The following RANBP17 variants were observed in gnomAD, a reference collection of about 807,000 sequenced individuals.
RANBP17 encodes RAN binding protein 17.
RANBP17 carries 158 observed loss-of-function variants against 141.2 expected under a neutral mutation model. The observed-to-expected ratio is 1.12, with a 90% CI of 0.98 to 1.28. The LOEUF (loss-of-function observed/expected upper bound fraction) is 1.28. Ranked by LOEUF, RANBP17 falls within the 50% of genes most tolerant of loss-of-function variation. The pLI, the probability that RANBP17 is intolerant of heterozygous loss-of-function variation, is 0.00. For synonymous variants in RANBP17, 430 were observed against 450.0 expected (o/e 0.96, Z 0.56); for missense variants, 1,438 against 1,290.7 (o/e 1.11, Z -1.75).
chr5:171,062,066 A>T (rs1783913172), intron 14 of RANBP17, among the ~76,000 whole-genome samples: 1 of 151,204 alleles, frequency 6.6e-6, no homozygotes, highest in Non-Finnish European at 1.5e-5. Context: ...TGCATGTGAG[A>T]TGGGTTTCCT....
chr5:171,104,522 T>A (rs926816642), intron 14 of RANBP17, among the ~76,000 whole-genome samples: 1 of 152,232 alleles, frequency 6.6e-6, no homozygotes, highest in Non-Finnish European at 1.5e-5. Flanking sequence ...ACATCAATGG[T>A]TGAGTAACAG....
chr5:171,252,215 C>A (rs1765617831), intron 24 of RANBP17: 2 of 1,575,808 alleles, frequency 1.3e-6, no homozygotes, highest in Non-Finnish European at 1.7e-6. Context: ...CTACTAAATA[C>A]AATTGCTGAT....
intron 14 of RANBP17, among the ~76,000 whole-genome samples, chr5:170,998,389 T>C (rs1261000914): frequency 6.6e-6 from 1 of 152,180 alleles, no homozygotes. Flanking sequence ...TTATAAACTT[T>C]GGTTTGCTTT....
chr5:171,122,218 G>A (rs1431764435), intron 14 of RANBP17, among the ~76,000 whole-genome samples: 2 of 152,150 alleles, frequency 1.3e-5, no homozygotes. Flanking sequence ...CTCCCCTGCT[G>A]TACTCTAGTG....
intron 3 of RANBP17, among the ~76,000 whole-genome samples, chr5:170,882,421 G>A (rs889212472): frequency 3.9e-5 from 6 of 152,096 alleles, no homozygotes; most frequent in African/African-American, 1.4e-4. Flanking sequence ...CTAGCATTTT[G>A]TGTACTATTT....
intron 14 of RANBP17, among the ~76,000 whole-genome samples, chr5:171,097,605 CTTT>C (rs997637320): frequency 2.9e-5 from 4 of 138,850 alleles, no homozygotes; most frequent in African/African-American, 5.5e-5. Context: ...TGTATGTAGT[CTTT>C]TTATTATTAT....
chr5:171,027,703 A>AT, intron 14 of RANBP17, among the ~76,000 whole-genome samples: 1 of 152,134 alleles, frequency 6.6e-6, no homozygotes. Flanking sequence ...TAATATAGTG[A>AT]TTTTTATCAC....
At chr5:171,089,329 G>C (rs1452073819) in intron 14 of RANBP17, among the ~76,000 whole-genome samples, 3 of 139,000 alleles carry the variant, frequency 2.2e-5, no homozygotes, top group South Asian at 2.7e-4. Context: ...CAGATCTCCA[G>C]CTGCGTGCTG....
chr5:171,023,442 A>G (rs774947961), intron 14 of RANBP17, among the ~76,000 whole-genome samples: 20 of 152,136 alleles, frequency 1.3e-4, no homozygotes, highest in Non-Finnish European at 2.6e-4. Flanking sequence ...CATGTGTGCT[A>G]TTTACACTTC....
chr5:171,155,743 G>A (rs1758853544), intron 14 of RANBP17, among the ~76,000 whole-genome samples: 2 of 152,100 alleles, frequency 1.3e-5, no homozygotes, highest in Admixed American at 6.5e-5. Flanking sequence ...AAGATGAAAT[G>A]AAACAAAGTT....
rs750051415 is a variant in RANBP17 at position 171,116,177 on chromosome 5, T to C, written c.1711-53953T>C. Among the ~76,000 whole-genome samples the C allele has an allele frequency of 2.4e-4, 37 of 152,334 alleles. 1 individual carries two copies. Among genetic ancestry groups the C allele is most frequent in the Non-Finnish European group, 5.0e-4 (34 of 68,038 alleles). ...GTTGTAGTTAGAAAAGTATACAATG[T>C]ATTGCTAATTTTTGGAAAATAAAAA... On this transcript the variant is annotated intron_variant, in intron 14 of 27. Coordinates refer to ENST00000523189, the MANE Select transcript of RANBP17 (RefSeq NM_022897.5).
intron 5 of RANBP17, among the ~76,000 whole-genome samples, chr5:170,908,209 A>G (rs114476436): frequency 0.026 from 3,997 of 152,042 alleles, 172 homozygotes; most frequent in African/African-American, 0.09. Context: ...TCAAAAAGGA[A>G]CATGCACTTA....
At chr5:171,093,707 A>C (rs997685063) in intron 14 of RANBP17, among the ~76,000 whole-genome samples, 2 of 152,228 alleles carry the variant, frequency 1.3e-5, no homozygotes, top group Non-Finnish European at 2.9e-5. Context: ...AATCAGATTA[A>C]GTATGTATGT....
chr5:171,086,691 G>A (rs1036412205), intron 14 of RANBP17, among the ~76,000 whole-genome samples: 7 of 150,366 alleles, frequency 4.7e-5, no homozygotes, highest in African/African-American at 1.7e-4. Context: ...TTTAGTCTTG[G>A]GAGAGTGTAT....
chr5:170,968,075 C>G (rs1401397573), intron 13 of RANBP17, among the ~76,000 whole-genome samples, 167 bp from the exon 14 acceptor site: 1 of 151,808 alleles, frequency 6.6e-6, no homozygotes, highest in Non-Finnish European at 1.5e-5. Flanking sequence ...AGTAATATCT[C>G]TCAGTAGTAG....
At chr5:171,034,016 A>G (rs923340246) in intron 14 of RANBP17, among the ~76,000 whole-genome samples, 3 of 152,138 alleles carry the variant, frequency 2.0e-5, no homozygotes, top group Admixed American at 6.6e-5. Flanking sequence ...GGAGACTGAA[A>G]CAGGAGGATC....
At chr5:170,984,793 C>G (rs1267345268) in intron 14 of RANBP17, among the ~76,000 whole-genome samples, 1 of 151,950 alleles carries the variant, frequency 6.6e-6, no homozygotes, top group Non-Finnish European at 1.5e-5. Flanking sequence ...TAGTTGTTAC[C>G]TGGTGTGTCA....
chr5:171,027,932 T>C (rs1464710606), intron 14 of RANBP17, among the ~76,000 whole-genome samples: 1 of 152,110 alleles, frequency 6.6e-6, no homozygotes, highest in Non-Finnish European at 1.5e-5. Context: ...AGTACTTTAT[T>C]AAAGTATCAT....
intron 14 of RANBP17, among the ~76,000 whole-genome samples, chr5:171,016,040 C>T (rs1780401397): frequency 6.6e-6 from 1 of 152,112 alleles, no homozygotes; most frequent in Non-Finnish European, 1.5e-5. Context: ...CTTTTGCAAA[C>T]TCTAGCTACT....
Sources: allele counts gnomAD v4.1 joint callset (sites outside exome capture counted in the v4.1 genomes callset), GRCh38; gene constraint gnomAD v4.1.1; transcripts MANE v1.5; gene names NCBI Gene and HGNC (gene_info 2026-07-23, HGNC 2026-07-21).